Variants in NFAT5 observed in about 807,000 individuals in gnomAD.
The protein encoded by NFAT5 is nuclear factor of activated T cells 5, also known as nuclear factor of activated T-cells 5.
NFAT5 carries 31 observed loss-of-function variants against 166.5 expected under a neutral mutation model. The ratio of observed to expected loss-of-function variants is 0.19; its 90% confidence interval spans 0.14 to 0.25. The LOEUF (loss-of-function observed/expected upper bound fraction) is 0.25, where lower values mean the gene tolerates loss of function less well. Ranked by LOEUF, NFAT5 falls within the 10% of genes least tolerant of loss-of-function variation. The pLI, the probability that NFAT5 is intolerant of heterozygous loss-of-function variation, is 1.00. For synonymous variants in NFAT5, 612 were observed against 639.7 expected (o/e 0.96, Z 0.65); for missense variants, 1,449 against 1,821.8 (o/e 0.80, Z 3.72).
At chr16:69,659,392 G>T (rs924959756) in intron 6 of NFAT5, among the ~76,000 whole-genome samples, 1 of 151,746 alleles carries the variant, frequency 6.6e-6, no homozygotes, top group Non-Finnish European at 1.5e-5. Flanking sequence ...GCAGTGAGCC[G>T]AGATCACGCC....
At chr16:69,662,927 A>G (rs2036215808) in intron 7 of NFAT5, among the ~76,000 whole-genome samples, 1 of 152,156 alleles carries the variant, frequency 6.6e-6, no homozygotes, top group Admixed American at 6.6e-5. Flanking sequence ...AGGACCCAAA[A>G]AATCTTTTTA....
chr16:69,687,380 G>A (rs939212837), intron 11 of NFAT5, among the ~76,000 whole-genome samples: 2 of 145,568 alleles, frequency 1.4e-5, no homozygotes, highest in Non-Finnish European at 3.0e-5. Flanking sequence ...GGCGAAGGTT[G>A]TAGTGAGCCC....
intron 11 of NFAT5, among the ~76,000 whole-genome samples, chr16:69,688,227 C>A (rs12921549): frequency 0.26 from 29,939 of 113,810 alleles, 3,905 homozygotes; most frequent in East Asian, 0.54. Context: ...AAAAAAAAAA[C>A]CAGGAGTTTG....
In NFAT5 at chr16:69,582,705, A is replaced by G. The variant is rs9924364; in HGVS notation, c.127+14157A>G. On this transcript the variant is annotated intron_variant, in intron 2 of 14. Transcript: ENST00000349945. ...TTTTTTTTTTTTCTTCTGGACTCTC[A>G]GTTCTATTCCATTTATCTGTATGTC... is the stretch of plus-strand genomic sequence containing the variant. Among the ~76,000 whole-genome samples, 283 of 147,884 alleles carry G rather than the reference A, an allele frequency of 1.9e-3. 3 individuals are homozygous for G. Among genetic ancestry groups the G allele is most frequent in the African/African-American group, 6.6e-3 (265 of 40,012 alleles).
chr16:69,612,985 G>A (rs1020659801), intron 2 of NFAT5, among the ~76,000 whole-genome samples: 1 of 152,062 alleles, frequency 6.6e-6, no homozygotes, highest in African/African-American at 2.4e-5. Context: ...TATTCACTTG[G>A]AAGTCCCATA....
chr16:69,584,429 A>G (rs978645714), intron 2 of NFAT5, among the ~76,000 whole-genome samples: 12 of 151,640 alleles, frequency 7.9e-5, no homozygotes, highest in African/African-American at 2.9e-4. Flanking sequence ...CCCAGGTTCA[A>G]ATGATTTTCA....
At chr16:69,614,634 A>G (rs184375334) in intron 2 of NFAT5, among the ~76,000 whole-genome samples, 95 of 152,298 alleles carry the variant, frequency 6.2e-4, no homozygotes, top group Non-Finnish European at 1.2e-3. Context: ...GGTATTTCCA[A>G]CAAATAAGAA....
chr16:69,627,323 CATATATATATATATATAT>C (rs10524659), intron 3 of NFAT5, among the ~76,000 whole-genome samples: 93 of 128,854 alleles, frequency 7.2e-4, no homozygotes, highest in Non-Finnish European at 1.0e-3. Context: ...AAAAAGGAAA[CATATATATATATATATAT>C]ATATATATAT....
intron 2 of NFAT5, among the ~76,000 whole-genome samples, chr16:69,610,937 G>T (rs1294285782): frequency 1.3e-5 from 2 of 151,994 alleles, no homozygotes; most frequent in Admixed American, 6.6e-5. Context: ...AACCTCACTG[G>T]ACTGAAAGCT....
intron 2 of NFAT5, among the ~76,000 whole-genome samples, chr16:69,576,907 G>A (rs1047059984): frequency 1.3e-5 from 2 of 152,162 alleles, no homozygotes; most frequent in Non-Finnish European, 2.9e-5. Flanking sequence ...AAGGTGCCGT[G>A]GGGCTCTTGA....
intron 2 of NFAT5, among the ~76,000 whole-genome samples, chr16:69,580,426 G>T (rs970416485): frequency 1.3e-5 from 2 of 151,742 alleles, no homozygotes; most frequent in African/African-American, 4.8e-5. Flanking sequence ...AGCTACTCAG[G>T]AGGCTGAGGA....
chr16:69,649,371 A>G (rs2035577446), intron 4 of NFAT5: 3 of 976,500 alleles, frequency 3.1e-6, no homozygotes, highest in Middle Eastern at 1.1e-3. Flanking sequence ...ATGGCTAGTA[A>G]ACAGTGATTT....
rs1344801658 is a variant in NFAT5 at position 69,608,124 on chromosome 16, G to A, written c.128-18279G>A. Among the ~76,000 whole-genome samples the A allele has an allele frequency of 2.6e-5, 4 of 151,568 alleles. No homozygotes were observed. In the South Asian group the frequency reaches 6.2e-4, roughly 24 times the overall value. On this transcript the variant is annotated intron_variant, in intron 2 of 14. Transcript: ENST00000349945. ...AATCCCAGCACTTTGGGAGGCCAAA[G>A]TGGGCAGATCACTTCAGGTCAGGAG...
rs780286094 is a variant in NFAT5 at position 69,693,188 on chromosome 16, G to A, written c.3363G>A (p.Gln1121=). ...GTCCAAATCCTATTGTCCACAGTCA[G>A]ACTTCTACAACCTCCTCTGAACAAA... The part of the protein sequence containing the change: ...FHSPNPIVHS[Q]TSTTSSEQMQ... The change falls in exon 13 of 15, where the codon CAG becomes CAA. Residue 1121 remains glutamine, a synonymous_variant. Transcript: ENST00000349945. 3.1e-6 allele frequency: 5 copies of A among 1,614,090 alleles called. No individual in the cohort carries two copies. The South Asian group carries it at 5.5e-5, about 18-fold the overall frequency.
chr16:69,594,463 A>G (rs1330869054), intron 2 of NFAT5, among the ~76,000 whole-genome samples: 1 of 152,186 alleles, frequency 6.6e-6, no homozygotes, highest in African/African-American at 2.4e-5. Flanking sequence ...TATCTTTTAT[A>G]TGGAAACCCA....
intron 2 of NFAT5, among the ~76,000 whole-genome samples, chr16:69,616,873 C>G (rs544547499): frequency 6.6e-6 from 1 of 151,836 alleles, no homozygotes; most frequent in Non-Finnish European, 1.5e-5. Flanking sequence ...TCCCCCTCCC[C>G]TCTAGGCTTC....
chr16:69,571,243 G>A (rs2016418756), intron 2 of NFAT5, among the ~76,000 whole-genome samples: 1 of 150,574 alleles, frequency 6.6e-6, no homozygotes, highest in South Asian at 2.1e-4. Flanking sequence ...GACAGAGGTT[G>A]TGGTGAGCCA....
At chr16:69,620,700 AAGAG>A (rs888023026) in intron 2 of NFAT5, among the ~76,000 whole-genome samples, 5 of 152,092 alleles carry the variant, frequency 3.3e-5, no homozygotes, top group Non-Finnish European at 7.4e-5. Context: ...TAGATTAAAA[AAGAG>A]AGAGAGAGAG....
Position 69,641,907 on chromosome 16 carries a change from G to A in NFAT5, c.254-5121G>A, listed in dbSNP as rs370042862. Among the ~76,000 whole-genome samples the A allele has an allele frequency of 1.9e-4, 29 of 152,120 alleles. No individual in the cohort carries two copies. In the East Asian group the frequency reaches 5.2e-3, roughly 27 times the overall value. ...GAGCCTAGGAGTTCAAAACCAGCCT[G>A]GGCAACATGGTGAAACCCTATCTCT... On this transcript the variant is annotated intron_variant, in intron 3 of 14. Transcript: ENST00000349945.
Sources: allele counts gnomAD v4.1 joint callset (sites outside exome capture counted in the v4.1 genomes callset), GRCh38; gene constraint gnomAD v4.1.1; transcripts MANE v1.5; gene names NCBI Gene and HGNC (gene_info 2026-07-23, HGNC 2026-07-21).